The following KDM2A variants were observed in gnomAD, a reference collection of about 807,000 sequenced individuals.
The protein encoded by KDM2A is lysine demethylase 2A.
KDM2A carries 3 observed loss-of-function variants against 137.3 expected under a neutral mutation model. That is an observed-to-expected ratio of 0.02 (90% CI 0.01 to 0.06). The LOEUF is 0.06. Among genes scored for constraint, KDM2A ranks in the 10% least tolerant of loss-of-function variants. The pLI, the probability that KDM2A is intolerant of heterozygous loss-of-function variation, is 1.00. For missense variants in KDM2A, 738 were observed against 1,510.6 expected (o/e 0.49, Z 8.48); for synonymous variants, 512 against 541.5 (o/e 0.95, Z 0.76).
chr11:67,217,967 T>G, intron 9 of KDM2A, 83 bp downstream of exon 9: 1 of 1,221,448 alleles, frequency 8.2e-7, no homozygotes, highest in South Asian at 1.6e-5. Context: ...CCAAGAATAG[T>G]TATGATGCTG....
At chr11:67,246,350 A>G (rs1259873037) in intron 15 of KDM2A, among the ~76,000 whole-genome samples, 1 of 152,172 alleles carries the variant, frequency 6.6e-6, no homozygotes, top group African/African-American at 2.4e-5. Flanking sequence ...TCCTGTCCTC[A>G]TGGAGCTTAG....
chr11:67,163,176 G>A (rs1396739210), intron 2 of KDM2A, among the ~76,000 whole-genome samples: 1 of 152,062 alleles, frequency 6.6e-6, no homozygotes, highest in Non-Finnish European at 1.5e-5. Flanking sequence ...CTACACTTTC[G>A]TATTTATGTT....
rs902537040 is a variant in KDM2A, at chr11:67,245,214, T to C, written c.1589T>C (p.Val530Ala). The change falls in exon 14 of 21, where the codon GTG becomes GCG. Residue 530 changes from valine (V) to alanine (A), a missense_variant. By Grantham distance (64) the Val-to-Ala change is moderately conservative (BLOSUM62 0). This residue lies in a region of KDM2A where 71 missense variants were observed against 147.9 expected (regional missense o/e 0.48). Transcript: ENST00000529006. This position sits in a 1 kb window ranked among gnomAD's most constrained non-coding sequence, Gnocchi z 4.1. ...CTTAAATTCCCCACTCGGCCAAAGG[T>C]GCGGGTTCCTACCATCCCCATTACG... is the stretch of plus-strand genomic sequence containing the variant. ...DKLKFPTRPK[V>A]RVPTIPITKP... 2 of 1,613,738 alleles carry C rather than the reference T, an allele frequency of 1.2e-6. No individual in the cohort carries two copies. Among genetic ancestry groups the C allele is most frequent in the Non-Finnish European group, 1.7e-6 (2 of 1,179,772 alleles).
chr11:67,253,480 G>A lies in KDM2A; in HGVS notation c.2960G>A (p.Cys987Tyr). ...CTGAAAGACCTCCTCCTAGCAGGCT[G>A]CTCCTGGTCTGCAGTCTCTGCCCTC... The part of the protein sequence containing the change: ...PGLKDLLLAG[C>Y]SWSAVSALST... Residue 987 changes from cysteine (C) to tyrosine (Y), a missense_variant, in exon 19 of 21, where the codon TGC becomes TAC. By Grantham distance (194) the Cys-to-Tyr change is radical. This residue lies in a region of KDM2A where 166 missense variants were observed against 324.0 expected (regional missense o/e 0.51). Transcript: ENST00000529006. The A allele has an allele frequency of 6.2e-7, 1 of 1,613,818 alleles. No individual in the cohort carries two copies. Among genetic ancestry groups the A allele is most frequent in the Non-Finnish European group, 8.5e-7 (1 of 1,179,800 alleles).
At chr11:67,144,792 C>T (rs1856205990) in intron 2 of KDM2A, among the ~76,000 whole-genome samples, 2 of 151,636 alleles carry the variant, frequency 1.3e-5, no homozygotes, top group African/African-American at 4.9e-5. Flanking sequence ...TCTTGAACTC[C>T]TGGCCTCAAG....
intron 12 of KDM2A, among the ~76,000 whole-genome samples, chr11:67,232,698 T>A (rs544068616): frequency 1.0e-3 from 151 of 150,890 alleles, no homozygotes; most frequent in African/African-American, 3.2e-3. Context: ...TTTTTTTTTT[T>A]AATTTTAATT....
rs776791018 is a variant in KDM2A, at chr11:67,255,009, G to C, written c.3443G>C (p.Ser1148Thr). The change falls in exon 21 of 21, where the codon AGC becomes ACC. Residue 1148 changes from serine (S) to threonine (T), a missense_variant. This residue lies in a region of KDM2A where 166 missense variants were observed against 324.0 expected (regional missense o/e 0.51). Transcript: ENST00000529006. ...TTCATCTCAGACTTGTCCATCAACA[G>C]CCTCTACTGCCTGTCTGACGAGAAG... Reference protein sequence around the residue: ...EHFISDLSINSLYCLSDEKLI... With the variant: ...EHFISDLSINTLYCLSDEKLI... 1 of 1,613,236 alleles carries C rather than the reference G, an allele frequency of 6.2e-7. No homozygotes were observed. The highest frequency in any genetic ancestry group is 1.1e-5 in the South Asian group (1 of 90,902).
chr11:67,248,551 T>C, intron 16 of KDM2A, 181 bp downstream of exon 16: 1 of 562,256 alleles, frequency 1.8e-6, no homozygotes, highest in South Asian at 2.2e-5. Context: ...TTAGAGTTTG[T>C]AGCATTGTGT....
chr11:67,230,957 TTTTG>T (rs1858697174), intron 11 of KDM2A, among the ~76,000 whole-genome samples: 3 of 152,140 alleles, frequency 2.0e-5, no homozygotes, highest in Middle Eastern at 6.8e-3. Context: ...TTTGGTTTTT[TTTTG>T]TTTGTTTTTT....
rs1294634880 is a variant in KDM2A at position 67,157,326 on chromosome 11, A to AC, written c.43-22753_43-22752insC. Among the ~76,000 whole-genome samples, 19 of 151,642 alleles carry AC rather than the reference A, an allele frequency of 1.3e-4. 2 individuals carry two copies. In the South Asian group the frequency reaches 4.0e-3, roughly 32 times the overall value. ...AGCAAGACTCCCGTCTCAAAAAAAA[A>AC]AAAAACAAAAAACACCACACAGTTG... On this transcript the variant is annotated intron_variant, in intron 2 of 20. Transcript: ENST00000529006.
rs574785596 is a variant in KDM2A at position 67,216,885 on chromosome 11, A to C, written c.688-846A>C. ...CGGTGAGCTGAGATCGCGCCATTGC[A>C]CTCTAGCCTGGGCAACAAGAGCAAA... is the stretch of plus-strand genomic sequence containing the variant. On this transcript the variant is annotated intron_variant, in intron 8 of 20. Transcript: ENST00000529006. Among the ~76,000 whole-genome samples the C allele has an allele frequency of 1.4e-3, 209 of 151,388 alleles. 1 individual carries two copies. Among genetic ancestry groups the C allele is most frequent in the Non-Finnish European group, 2.3e-3 (155 of 67,934 alleles).
chr11:67,235,246 G>C lies in KDM2A; in HGVS notation c.1479+3286G>C, dbSNP rs545459973. On this transcript the variant is annotated intron_variant, in intron 12 of 20. Transcript: ENST00000529006. Reference sequence around the variant, plus strand: ...AGGTTCTGTTTGGGAGGGGTTGTGGGTAATGTTGACTCTTGAAAGTGTACA... The same window carrying C: ...AGGTTCTGTTTGGGAGGGGTTGTGGCTAATGTTGACTCTTGAAAGTGTACA... 1.5e-4 allele frequency among the ~76,000 whole-genome samples: 23 copies of C among 151,808 alleles called. No individual in the cohort carries two copies. The South Asian group carries it at 4.8e-3, about 32-fold the overall frequency.
intron 2 of KDM2A, among the ~76,000 whole-genome samples, chr11:67,168,801 G>C (rs952683800): frequency 1.3e-5 from 2 of 152,094 alleles, no homozygotes; most frequent in African/African-American, 2.4e-5. Flanking sequence ...TGATTTTTTG[G>C]ATATGTATGC....
chr11:67,126,324 C>T (rs1405390856), intron 2 of KDM2A, among the ~76,000 whole-genome samples: 1 of 151,902 alleles, frequency 6.6e-6, no homozygotes, highest in East Asian at 1.9e-4. Context: ...CCTATATTCC[C>T]AGCACTTCGG....
At chr11:67,143,600 T>G (rs929029119) in intron 2 of KDM2A, among the ~76,000 whole-genome samples, 11 of 151,842 alleles carry the variant, frequency 7.2e-5, no homozygotes, top group African/African-American at 2.4e-4. Flanking sequence ...GTTTCGCTTT[T>G]GTCTGTCTGT....
chr11:67,180,319 T>C, intron 3 of KDM2A, 102 bp downstream of exon 3: 1 of 1,193,008 alleles, frequency 8.4e-7, no homozygotes, highest in Non-Finnish European at 1.2e-6. Flanking sequence ...TATTGCCTGT[T>C]GATGTTATCT....
intron 4 of KDM2A, among the ~76,000 whole-genome samples, chr11:67,181,604 A>C (rs914509644): frequency 3.3e-5 from 5 of 152,104 alleles, no homozygotes; most frequent in African/African-American, 9.7e-5. Context: ...AAAAAAAAAA[A>C]AACAACAAAT....
intron 2 of KDM2A, among the ~76,000 whole-genome samples, chr11:67,160,203 G>T (rs1856603939): frequency 1.3e-5 from 2 of 152,160 alleles, no homozygotes; most frequent in African/African-American, 4.8e-5. Context: ...AACAGGCAGT[G>T]ATGTTGTATT....
intron 8 of KDM2A, 103 bp from the exon 9 acceptor site, chr11:67,217,628 T>G: frequency 8.4e-7 from 1 of 1,196,522 alleles, no homozygotes; most frequent in Admixed American, 2.1e-5. Context: ...TTGCTTGCCT[T>G]TCTTCTACCT....
Sources: allele counts gnomAD v4.1 joint callset (sites outside exome capture counted in the v4.1 genomes callset), GRCh38; gene constraint gnomAD v4.1.1; regional missense constraint gnomAD v4.1.1; non-coding constraint Gnocchi (gnomAD v3.1); transcripts MANE v1.5; gene names NCBI Gene and HGNC (gene_info 2026-07-23, HGNC 2026-07-21).